The following TANC2 variants were observed in gnomAD, a reference collection of about 807,000 sequenced individuals.
The protein encoded by TANC2 is tetratricopeptide repeat, ankyrin repeat and coiled-coil containing 2.
In TANC2, 26 loss-of-function variants were observed where a neutral mutation model predicts 210.5. That is an observed-to-expected ratio of 0.12 (90% CI 0.09 to 0.17). TANC2 has a LOEUF of 0.17. Ranked by LOEUF, TANC2 falls within the 10% of genes least tolerant of loss-of-function variation. The pLI is 1.00. For missense variants in TANC2, 2,129 were observed against 2,608.9 expected (o/e 0.82, Z 4.01); for synonymous variants, 931 against 967.1 (o/e 0.96, Z 0.69).
intron 12 of TANC2, among the ~76,000 whole-genome samples, chr17:63,343,731 C>T (rs993139767): frequency 5.9e-5 from 9 of 151,950 alleles, no homozygotes; most frequent in African/African-American, 1.9e-4. Flanking sequence ...TAGCAAGTAC[C>T]CATCTCAACA....
At chr17:63,245,083 C>G (rs556019696) in intron 8 of TANC2, among the ~76,000 whole-genome samples, 5 of 152,224 alleles carry the variant, frequency 3.3e-5, no homozygotes, top group African/African-American at 1.2e-4. Flanking sequence ...TTGTAAAAAT[C>G]AGTGATTTTA....
intron 9 of TANC2, among the ~76,000 whole-genome samples, chr17:63,284,235 C>T (rs1034066383): frequency 6.6e-6 from 1 of 151,932 alleles, no homozygotes; most frequent in Non-Finnish European, 1.5e-5. Context: ...TTTAGTTAAA[C>T]ATTGCAAATC....
intron 9 of TANC2, among the ~76,000 whole-genome samples, chr17:63,312,240 T>C (rs1469450242): frequency 1.3e-5 from 2 of 152,162 alleles, no homozygotes; most frequent in Admixed American, 6.5e-5. Context: ...GTTTTTTTGT[T>C]CTACCAAAAA....
intron 2 of TANC2, among the ~76,000 whole-genome samples, chr17:63,016,519 A>C (rs2034117597): frequency 6.6e-6 from 1 of 152,222 alleles, no homozygotes; most frequent in Admixed American, 6.5e-5. Context: ...TCTGTGAATA[A>C]TGCTGTAGTG....
At chr17:63,081,250 A>C (rs896375856) in intron 3 of TANC2, among the ~76,000 whole-genome samples, 5 of 151,966 alleles carry the variant, frequency 3.3e-5, no homozygotes, top group African/African-American at 1.2e-4. Context: ...TGAGGCCAAT[A>C]ATTCATTATT....
chr17:63,255,733 TTTATC>T (rs1451875717), intron 8 of TANC2, among the ~76,000 whole-genome samples: 1 of 151,962 alleles, frequency 6.6e-6, no homozygotes, highest in Non-Finnish European at 1.5e-5. Context: ...GTTTGTCAAT[TTTATC>T]TTCTCCAAAA....
At chr17:63,216,344 C>T (rs566152395) in intron 7 of TANC2, among the ~76,000 whole-genome samples, 5 of 152,274 alleles carry the variant, frequency 3.3e-5, no homozygotes, top group South Asian at 2.1e-4. Flanking sequence ...CCACCATGCC[C>T]GGCCAGCTCC....
At chr17:63,210,871 A>G (rs1408785348) in intron 7 of TANC2, among the ~76,000 whole-genome samples, 2 of 152,108 alleles carry the variant, frequency 1.3e-5, no homozygotes, top group African/African-American at 4.8e-5. Flanking sequence ...TTTTTGAATC[A>G]GTTTCCTTGT....
At chr17:63,382,196 T>C (rs549096667) in intron 15 of TANC2, among the ~76,000 whole-genome samples, 40 of 152,364 alleles carry the variant, frequency 2.6e-4, no homozygotes, top group Non-Finnish European at 4.4e-4. Flanking sequence ...GTATTTCTTA[T>C]GTATCTAGTC....
At chr17:63,223,905 C>T (rs1176771600) in intron 7 of TANC2, among the ~76,000 whole-genome samples, 5 of 152,064 alleles carry the variant, frequency 3.3e-5, no homozygotes, top group Non-Finnish European at 1.5e-5. Context: ...GTGTATTTTA[C>T]CTCAAGCACA....
In TANC2 at chr17:63,164,362, G is replaced by T. The variant is rs1436853100; in HGVS notation, c.433+12982G>T. On this transcript the variant is annotated intron_variant, in intron 5 of 27. Coordinates refer to ENST00000689528, the Ensembl canonical transcript of TANC2. Reference sequence around the variant, plus strand: ...TCTAAACCCAGACCTCATGAAAGTGGCATGAAGTATATTACATATTTTTAG... The same window carrying T: ...TCTAAACCCAGACCTCATGAAAGTGTCATGAAGTATATTACATATTTTTAG... Among the ~76,000 whole-genome samples the T allele has an allele frequency of 2.0e-5, 3 of 151,988 alleles. No homozygotes were observed. In the East Asian group the frequency reaches 5.8e-4, roughly 29 times the overall value.
exon 10 of TANC2, chr17:63,314,616 A>G (rs1170607520): frequency 4.0e-5 from 64 of 1,614,022 alleles, no homozygotes; most frequent in Non-Finnish European, 5.2e-5. Context: ...CTCAGCTGCC[A>G]TGGTACAAGG....
chr17:62,973,884 A>C (rs1035072966), intron 1 of TANC2, among the ~76,000 whole-genome samples: 1 of 152,242 alleles, frequency 6.6e-6, no homozygotes, highest in African/African-American at 2.4e-5. Flanking sequence ...AGGAGATTCA[A>C]ATTTCATTGT....
At chr17:63,292,476 A>C (rs1416450470) in intron 9 of TANC2, among the ~76,000 whole-genome samples, 4 of 152,236 alleles carry the variant, frequency 2.6e-5, no homozygotes, top group Admixed American at 1.3e-4. Flanking sequence ...GTCTTTAGTG[A>C]CTTTAACTAA....
chr17:63,421,751 T>G lies in TANC2; in HGVS notation c.6021T>G (p.His2007Gln), dbSNP rs777680802. Reference sequence around the variant, plus strand: ...TGGAGGACGATTATTACAGCCCCCATGGGATGCTGGCTAACGGGTCTCGTG... The same window carrying G: ...TGGAGGACGATTATTACAGCCCCCAGGGGATGCTGGCTAACGGGTCTCGTG... The change falls in exon 28 of 28, where the codon CAT (histidine) becomes CAG (glutamine). Residue 2007 changes from histidine to glutamine, a missense_variant. Coordinates refer to ENST00000689528, the Ensembl canonical transcript of TANC2. The surrounding 1 kb of genome is among the most constrained non-coding windows in gnomAD (Gnocchi z 6.9). 2 of 1,614,056 alleles carry G rather than the reference T, an allele frequency of 1.2e-6. No individual in the cohort carries two copies. Among genetic ancestry groups the G allele is most frequent in the Non-Finnish European group, 8.5e-7 (1 of 1,179,898 alleles).
intron 7 of TANC2, among the ~76,000 whole-genome samples, chr17:63,233,409 C>T (rs997483393): frequency 5.3e-5 from 8 of 152,158 alleles, no homozygotes; most frequent in Admixed American, 1.3e-4. Flanking sequence ...AACCGTGGAT[C>T]GTGGATTCTT....
chr17:63,010,456 A>G (rs1046803162), intron 2 of TANC2, among the ~76,000 whole-genome samples: 4 of 150,262 alleles, frequency 2.7e-5, no homozygotes, highest in Admixed American at 2.0e-4. Flanking sequence ...GCCACCAAAT[A>G]TGTGGGTTTT....
At chr17:63,020,752 G>C (rs1375871709) in intron 2 of TANC2, among the ~76,000 whole-genome samples, 1 of 152,186 alleles carries the variant, frequency 6.6e-6, no homozygotes, top group Non-Finnish European at 1.5e-5. Context: ...ACTTGAGACT[G>C]AGTAATATAA....
intron 2 of TANC2, among the ~76,000 whole-genome samples, chr17:63,060,374 A>C (rs2035952408): frequency 6.6e-6 from 1 of 152,166 alleles, no homozygotes. Flanking sequence ...TAATCCCAGC[A>C]CTTTGGGAGG....
Sources: gnomAD v4.1 joint callset for allele counts (sites outside exome capture counted in the v4.1 genomes callset) on GRCh38, gnomAD v4.1.1 for gene constraint, Gnocchi (gnomAD v3.1) non-coding constraint, MANE v1.5 for transcripts, NCBI Gene and HGNC (gene_info 2026-07-23, HGNC 2026-07-21) for gene names.